The following COL5A1 variants were observed in gnomAD, a reference collection of about 807,000 sequenced individuals.
The protein encoded by COL5A1 is collagen type V alpha 1 chain.
Under a neutral mutation model 263.7 loss-of-function variants are expected in COL5A1, and 16 were observed. The ratio of observed to expected loss-of-function variants is 0.06; its 90% CI spans 0.04 to 0.09. COL5A1 has a LOEUF of 0.09. Ranked by LOEUF, COL5A1 falls within the 10% of genes least tolerant of loss-of-function variation. The pLI, the probability that COL5A1 is intolerant of heterozygous loss-of-function variation, is 1.00. For synonymous variants in COL5A1, 1,012 were observed against 1,004.5 expected (o/e 1.01, Z -0.14); for missense variants, 2,036 against 2,540.5 (o/e 0.80, Z 4.27).
At chr9:134,812,562 A>G (rs368001209) in intron 47 of COL5A1, 43 bp from the exon 48 acceptor site, 3 of 1,610,322 alleles carry the variant, frequency 1.9e-6, no homozygotes, top group African/African-American at 1.3e-5. Context: ...TTGGGGAAAC[A>G]TTTGCGTTTC....
chr9:134,794,110 G>A lies in COL5A1; in HGVS notation c.2701-972G>A, dbSNP rs1055634530. ...TGGGAGGCTGAGGCGGGTGAATCAC[G>A]AGGTCAAGAGATCGAGACCATCCTT... is the stretch of plus-strand genomic sequence containing the variant. On this transcript the variant is annotated intron_variant, in intron 32 of 65. Coordinates refer to ENST00000371817, the MANE Select transcript of COL5A1 (RefSeq NM_000093.5). The surrounding 1 kb of genome is among the most constrained non-coding windows in gnomAD (Gnocchi z 4.3). 1.3e-5 allele frequency among the ~76,000 whole-genome samples: 2 copies of A among 152,100 alleles called. No individual in the cohort carries two copies. Among genetic ancestry groups the A allele is most frequent in the Non-Finnish European group, 2.9e-5 (2 of 68,022 alleles).
intron 26 of COL5A1, among the ~76,000 whole-genome samples, chr9:134,773,538 G>T (rs1311167358): frequency 6.6e-6 from 1 of 152,222 alleles, no homozygotes; most frequent in Non-Finnish European, 1.5e-5. Context: ...GGAGCCTGGG[G>T]CTGAGGGCAG....
At chr9:134,690,776 G>T (rs1564390257) in intron 1 of COL5A1, 136 bp from the exon 2 acceptor site, 2 of 1,076,896 alleles carry the variant, frequency 1.9e-6, no homozygotes, top group Non-Finnish European at 1.4e-6. Flanking sequence ...GCTCTAAGCT[G>T]GTCCTGGGGC....
intron 39 of COL5A1, among the ~76,000 whole-genome samples, chr9:134,803,435 G>A (rs1838182585): frequency 6.6e-6 from 1 of 152,172 alleles, no homozygotes; most frequent in South Asian, 2.1e-4. Context: ...AGGAAGTTGA[G>A]ACCAGCCTGG....
chr9:134,780,524 G>A (rs760399312), intron 28 of COL5A1, among the ~76,000 whole-genome samples: 35 of 151,994 alleles, frequency 2.3e-4, no homozygotes, highest in South Asian at 2.1e-4. Flanking sequence ...CCGCTGGCAC[G>A]AGGGTCCACT....
intron 4 of COL5A1, among the ~76,000 whole-genome samples, chr9:134,702,501 C>G (rs1356216082): frequency 6.6e-6 from 1 of 152,132 alleles, no homozygotes; most frequent in African/African-American, 2.4e-5. Flanking sequence ...CTCGGGGTCA[C>G]CAAACCAGAC....
intron 25 of COL5A1, among the ~76,000 whole-genome samples, chr9:134,772,549 G>C (rs1258789877): frequency 6.6e-6 from 1 of 152,226 alleles, no homozygotes. Context: ...GTTGGGCCAG[G>C]GTCAGGCTTA....
At chr9:134,733,421 C>A (rs1421879749) in intron 9 of COL5A1, among the ~76,000 whole-genome samples, 2 of 152,196 alleles carry the variant, frequency 1.3e-5, no homozygotes, top group African/African-American at 2.4e-5. Context: ...GGCTCTATGC[C>A]CTTGCTCCAG....
intron 32 of COL5A1, among the ~76,000 whole-genome samples, chr9:134,792,809 ATG>A (rs1218602365): frequency 4.1e-5 from 5 of 123,420 alleles, no homozygotes; most frequent in Admixed American, 4.0e-4. Flanking sequence ...GTGTGCGTGC[ATG>A]TGTGTGCATG....
At chr9:134,763,927 A>G (rs998229281) in intron 20 of COL5A1, among the ~76,000 whole-genome samples, 190 bp downstream of exon 20, 2 of 148,378 alleles carry the variant, frequency 1.3e-5, no homozygotes, top group Non-Finnish European at 3.0e-5. Flanking sequence ...CTGGCTGGCA[A>G]CTCCAGGAGG....
intron 11 of COL5A1, among the ~76,000 whole-genome samples, chr9:134,748,045 GC>G (rs2132676246): frequency 7.1e-6 from 1 of 140,528 alleles, no homozygotes; most frequent in African/African-American, 2.7e-5. Context: ...GCAGACACAT[GC>G]ACACATGCAT....
rs191924819 is a variant in COL5A1 at position 134,681,887 on chromosome 9, C to A, written c.110-9025C>A. ...TCTTCCTCGCTCTTCCTCTCTTTCT[C>A]TCTCTGTCTCTCCCTCTCTCTTTCT... On this transcript the variant is annotated intron_variant, in intron 1 of 65. Coordinates refer to ENST00000371817, the MANE Select transcript of COL5A1 (RefSeq NM_000093.5). The surrounding 1 kb of genome is among the most constrained non-coding windows in gnomAD (Gnocchi z 4.3). 6.6e-6 allele frequency among the ~76,000 whole-genome samples: 1 copy of A among 152,130 alleles called. No individual in the cohort carries two copies. The highest frequency in any genetic ancestry group is 2.4e-5 in the African/African-American group (1 of 41,422).
At chr9:134,645,578 A>G (rs1021469622) in intron 1 of COL5A1, among the ~76,000 whole-genome samples, 2 of 152,164 alleles carry the variant, frequency 1.3e-5, no homozygotes, top group African/African-American at 4.8e-5. Context: ...ACACATGGGA[A>G]TGGAGGGGCT....
intron 27 of COL5A1, among the ~76,000 whole-genome samples, chr9:134,778,042 A>G (rs1287990422): frequency 6.6e-6 from 1 of 152,076 alleles, no homozygotes; most frequent in African/African-American, 2.4e-5. Flanking sequence ...AAAGTAGCTC[A>G]TCTCCTAAAA....
chr9:134,818,617 A>C lies in COL5A1; in HGVS notation c.4231-39A>C. 2 of 1,492,058 alleles carry C rather than the reference A, an allele frequency of 1.3e-6. No individual in the cohort carries two copies. The highest frequency in any genetic ancestry group is 1.8e-6 in the Non-Finnish European group (2 of 1,081,900). 92.4% of individuals were successfully genotyped at this position (1,492,058 alleles called of 1,614,324 possible). A position where few individuals can be genotyped will look rare whatever the true frequency, so the allele number is the denominator to read the frequency against. On this transcript the variant is annotated intron_variant, in intron 54 of 65. Coordinates refer to ENST00000371817, the MANE Select transcript of COL5A1 (RefSeq NM_000093.5). The surrounding 1 kb of genome is among the most constrained non-coding windows in gnomAD (Gnocchi z 6.0). ...TCCTGGGCCAGGGTGCCTGGAGCCT[A>C]GAGCTCCGGACCTCATTCTGCCCTC...
intron 9 of COL5A1, 52 bp downstream of exon 9, chr9:134,732,179 G>A (rs773131388): frequency 1.9e-6 from 3 of 1,596,998 alleles, no homozygotes; most frequent in Non-Finnish European, 1.7e-6. Context: ...GCTGCTCGGG[G>A]TCACAGCGGG....
intron 25 of COL5A1, among the ~76,000 whole-genome samples, chr9:134,771,877 A>G (rs991743275): frequency 6.6e-6 from 1 of 152,222 alleles, no homozygotes; most frequent in African/African-American, 2.4e-5. Flanking sequence ...GCATTTCTGC[A>G]CAGTGAACAT....
chr9:134,694,151 A>C (rs1340626362), intron 2 of COL5A1, among the ~76,000 whole-genome samples: 1 of 152,206 alleles, frequency 6.6e-6, no homozygotes, highest in Non-Finnish European at 1.5e-5. Context: ...TCCCCTGACA[A>C]AATCCCTGAG....
chr9:134,649,806 G>T (rs1588399830), intron 1 of COL5A1, among the ~76,000 whole-genome samples: 1 of 152,096 alleles, frequency 6.6e-6, no homozygotes, highest in South Asian at 2.1e-4. Flanking sequence ...ATGATAGATT[G>T]GATAAAGAAA....
Sources: allele counts gnomAD v4.1 joint callset (sites outside exome capture counted in the v4.1 genomes callset), GRCh38; gene constraint gnomAD v4.1.1; non-coding constraint Gnocchi (gnomAD v3.1); transcripts MANE v1.5; gene names NCBI Gene and HGNC (gene_info 2026-07-23, HGNC 2026-07-21).